The following PSG5 variants were observed in gnomAD, a reference collection of about 807,000 sequenced individuals.
PSG5 encodes pregnancy-specific beta-1-glycoprotein 5.
Under a neutral mutation model 37.7 loss-of-function variants are expected in PSG5, and 53 were observed. The observed-to-expected ratio is 1.41, with a 90% confidence interval of 1.13 to 1.77. The LOEUF is 1.77. Ranked by LOEUF, PSG5 falls within the 40% of genes most tolerant of loss-of-function variation. The probability of loss-of-function intolerance (pLI) is 0.00; values close to 1 mark genes in which losing one functional copy is unlikely to be tolerated. For missense variants in PSG5, 547 were observed against 405.2 expected, an observed-to-expected ratio of 1.35 and a Z score of -3.00; for synonymous variants, 221 against 155.4, an observed-to-expected ratio of 1.42 and a Z score of -3.14.
rs146386413 is a variant in PSG5 at position 43,185,022 on chromosome 19, C to T, written c.190G>A (p.Gly64Ser). 5.0e-6 allele frequency: 8 copies of T among 1,612,476 alleles called. 1 individual carries two copies. The African/African-American group carries it at 6.7e-5, about 14-fold the overall frequency. ...AGTTGTCCTTTGTACCAGATGTAGC[C>T]AGCAAGATTCTGAGGCAAATTGTGG... ...LVHNLPQNLAGYIWYKGQLMD... is the reference protein window; with the variant it reads ...LVHNLPQNLASYIWYKGQLMD... Residue 64 changes from glycine (G) to serine (S), a missense_variant, in exon 2 of 6, where the codon GGC (glycine) becomes AGC (serine). Coordinates refer to ENST00000342951, the MANE Select transcript of PSG5 (RefSeq NM_002781.4).
rs746635359 is a variant in PSG5 at position 43,176,151 on chromosome 19, G to C, written c.431-3C>G. On this transcript the variant is annotated splice_polypyrimidine_tract_variant and splice_region_variant and intron_variant, in intron 2 of 5. Coordinates refer to ENST00000342951, the MANE Select transcript of PSG5 (RefSeq NM_002781.4). ...GATGTAGGGCTTGGGCAGCTTCACT[G>C]TGTGGATAACAGAGAGAAGATTGTC... 17 of 1,611,070 alleles carry C rather than the reference G, an allele frequency of 1.1e-5. 1 individual carries two copies. The highest frequency in any genetic ancestry group is 3.3e-5 in the South Asian group (3 of 91,008).
chr19:43,178,645 C>T (rs1225745272), intron 2 of PSG5, among the ~76,000 whole-genome samples: 1 of 151,616 alleles, frequency 6.6e-6, no homozygotes, highest in Admixed American at 6.6e-5. Flanking sequence ...ACCTGTTTCT[C>T]CCATCACAAG....
At chr19:43,186,078 G>C (rs1335859917) in intron 1 of PSG5, among the ~76,000 whole-genome samples, 2 of 151,164 alleles carry the variant, frequency 1.3e-5, no homozygotes, top group Non-Finnish European at 2.9e-5. Context: ...CCGGGTTCAT[G>C]TGATTTTCCT....
At chr19:43,184,200 G>T (rs1436306232) in intron 2 of PSG5, among the ~76,000 whole-genome samples, 2 of 151,716 alleles carry the variant, frequency 1.3e-5, no homozygotes, top group African/African-American at 2.4e-5. Context: ...AGTGTCAGGT[G>T]AAGAAAGCTC....
chr19:43,174,584 T>A, intron 4 of PSG5: 1 of 954,996 alleles, frequency 1.0e-6, no homozygotes, highest in South Asian at 4.8e-5. Flanking sequence ...CTCTTCTTAT[T>A]TCCCTGCAGC....
intron 1 of PSG5, 40 bp downstream of exon 1, chr19:43,186,302 C>A: frequency 6.2e-7 from 1 of 1,610,764 alleles, no homozygotes; most frequent in African/African-American, 1.3e-5. Flanking sequence ...AGTCACTCTT[C>A]TTCCTCCTCC....
At chr19:43,171,954 T>C (rs761864747) in intron 4 of PSG5, among the ~76,000 whole-genome samples, 2 of 141,938 alleles carry the variant, frequency 1.4e-5, no homozygotes, top group African/African-American at 2.7e-5. Context: ...CCTGGACTGG[T>C]CTACATAGTG....
intron 2 of PSG5, chr19:43,179,149 G>C: frequency 6.3e-7 from 1 of 1,592,070 alleles, no homozygotes; most frequent in South Asian, 1.1e-5. Context: ...GAGGGCTTGG[G>C]AGTTTCCACT....
intron 4 of PSG5, among the ~76,000 whole-genome samples, chr19:43,171,922 T>C (rs1272136360): frequency 6.9e-6 from 1 of 144,302 alleles, no homozygotes; most frequent in East Asian, 2.0e-4. Context: ...CAGTGAGCCA[T>C]AATCACACCA....
At chr19:43,168,342 T>C (rs1362251986) in intron 5 of PSG5, 139 bp from the exon 6 acceptor site, 3 of 277,518 alleles carry the variant, frequency 1.1e-5, no homozygotes, top group Non-Finnish European at 2.0e-5. Context: ...TTCCAGAAAT[T>C]TCATATAATT....
intron 4 of PSG5, chr19:43,174,579 C>T: frequency 8.4e-6 from 8 of 950,946 alleles, no homozygotes; most frequent in Non-Finnish European, 1.0e-5. Flanking sequence ...TCCCTCTCTT[C>T]TTATTTCCCT....
intron 4 of PSG5, chr19:43,174,312 G>T: frequency 9.1e-6 from 4 of 438,716 alleles, no homozygotes; most frequent in Non-Finnish European, 1.2e-5. Context: ...ACACTAAATT[G>T]CACACATAGA....
At chr19:43,178,781 T>G in intron 2 of PSG5, 1 of 1,608,230 alleles carries the variant, frequency 6.2e-7, no homozygotes, top group Non-Finnish European at 8.5e-7. Context: ...GGGGTAAAGG[T>G]CTCTGTACTT....
At chr19:43,179,551 T>C (rs1969084302) in intron 2 of PSG5, among the ~76,000 whole-genome samples, 2 of 151,670 alleles carry the variant, frequency 1.3e-5, no homozygotes, top group South Asian at 4.1e-4. Flanking sequence ...TCCCCCGAGG[T>C]ATGTTTTCTC....
rs745966851 is a variant in PSG5 at position 43,184,832 on chromosome 19, C to T, written c.380G>A (p.Arg127Gln). 29 of 1,612,396 alleles carry T rather than the reference C, an allele frequency of 1.8e-5. 1 individual carries two copies. The South Asian group carries it at 2.2e-4, about 12-fold the overall frequency. ...AGSYTLHIIK[R>Q]GDRTRGVTGY... ...AGTTACTCCTCTAGTCCTATCACCTCGCTTTATGATGTGTAAGGTGTAGGA... is the reference window on the plus strand; with the variant it reads ...AGTTACTCCTCTAGTCCTATCACCTTGCTTTATGATGTGTAAGGTGTAGGA... Residue 127 changes from arginine to glutamine, a missense_variant, in exon 2 of 6, where the codon CGA (arginine) becomes CAA (glutamine). By Grantham distance (43) the Arg-to-Gln change is conservative. Transcript: ENST00000342951.
Position 43,175,939 on chromosome 19 carries a change from G to T in PSG5, c.640C>A (p.Pro214Thr), listed in dbSNP as rs777797361. Residue 214 changes from proline to threonine, a missense_variant, in exon 3 of 6, where the codon CCC (proline) becomes ACC (threonine). By Grantham distance (38) the Pro-to-Thr change is conservative. Transcript: ENST00000342951. Reference protein sequence around the residue: ...LPSVTRNETGPYECEIRDRDG... With the variant: ...LPSVTRNETGTYECEIRDRDG... ...CGGTCCCGTATTTCACATTCATAGGGTCCTGTTTCATTTCTCGTGACACTG... is the reference window on the plus strand; with the variant it reads ...CGGTCCCGTATTTCACATTCATAGGTTCCTGTTTCATTTCTCGTGACACTG... The T allele has an allele frequency of 6.2e-7, 1 of 1,612,424 alleles. No homozygotes were observed. The highest frequency in any genetic ancestry group is 2.2e-5 in the East Asian group (1 of 44,868).
At chr19:43,179,115 G>A (rs1261299004) in intron 2 of PSG5, 7 of 1,605,900 alleles carry the variant, frequency 4.4e-6, no homozygotes, top group Non-Finnish European at 6.0e-6. Context: ...GGCCTCCCTG[G>A]GGTTTAAGTT....
Position 43,168,025 on chromosome 19 carries a change from G to A in PSG5, c.*219C>T, listed in dbSNP as rs979236758. ...CTTCTTTGTCTAGAATTTCATGAAG[G>A]TATCAGCCTGTTCATTAAAATTTTG... is the stretch of plus-strand genomic sequence containing the variant. On this transcript the variant is annotated 3_prime_UTR_variant, in exon 6 of 6. Transcript: ENST00000342951. 6.3e-5 allele frequency: 26 copies of A among 413,896 alleles called. 2 individuals are homozygous for A. The highest frequency in any genetic ancestry group is 8.4e-5 in the Non-Finnish European group (19 of 225,644). The allele number at this position is 413,896 out of a possible 1,614,324, so 25.6% of individuals were successfully genotyped here. A position where few individuals can be genotyped will look rare whatever the true frequency, so the allele number is the denominator to read the frequency against.
At chr19:43,177,997 C>G (rs1267410248) in intron 2 of PSG5, among the ~76,000 whole-genome samples, 1 of 151,504 alleles carries the variant, frequency 6.6e-6, no homozygotes, top group Non-Finnish European at 1.5e-5. Flanking sequence ...AATTGAAATT[C>G]TTTTCTCAAT....
Sources: gnomAD v4.1 joint callset for allele counts (sites outside exome capture counted in the v4.1 genomes callset) on GRCh38, gnomAD v4.1.1 for gene constraint, MANE v1.5 for transcripts, NCBI Gene and HGNC (gene_info 2026-07-23, HGNC 2026-07-21) for gene names.